The following HOOK3 variants were observed in gnomAD, a reference collection of about 807,000 sequenced individuals.
HOOK3 encodes protein Hook homolog 3.
Under a neutral mutation model 116.3 loss-of-function variants are expected in HOOK3, and 24 were observed. The observed-to-expected ratio is 0.21, with a 90% CI of 0.15 to 0.29. The LOEUF (loss-of-function observed/expected upper bound fraction) is 0.29, where lower values mean the gene tolerates loss of function less well. HOOK3 is among the 10% of genes least tolerant of loss of function. The pLI is 1.00. For synonymous variants in HOOK3, 275 were observed against 283.0 expected (o/e 0.97, Z 0.28); for missense variants, 632 against 830.2 (o/e 0.76, Z 2.93).
chr8:42,964,524 A>C, intron 9 of HOOK3, 50 bp downstream of exon 9: 3 of 1,567,696 alleles, frequency 1.9e-6, no homozygotes, highest in Non-Finnish European at 2.6e-6. Flanking sequence ...GTTAGCTGTC[A>C]TTTAAAGTTA....
intron 16 of HOOK3, among the ~76,000 whole-genome samples, chr8:42,999,487 G>A (rs1447782577): frequency 6.6e-6 from 1 of 152,160 alleles, no homozygotes; most frequent in African/African-American, 2.4e-5. Flanking sequence ...TCTTGCCCCA[G>A]CAAATATTTT....
intron 5 of HOOK3, among the ~76,000 whole-genome samples, chr8:42,948,541 T>A (rs1233116564): frequency 6.6e-6 from 1 of 152,132 alleles, no homozygotes; most frequent in African/African-American, 2.4e-5. Context: ...ACCCCTCGAG[T>A]CCACTGTTAT....
At chr8:43,015,569 G>A (rs117654658) in intron 21 of HOOK3, among the ~76,000 whole-genome samples, 2,492 of 152,162 alleles carry the variant, frequency 0.016, 32 homozygotes, top group Non-Finnish European at 0.022. Flanking sequence ...TAAAATTCAA[G>A]AAATAGAAAA....
intron 15 of HOOK3, 100 bp downstream of exon 15, chr8:42,986,895 G>C: frequency 7.8e-7 from 1 of 1,276,926 alleles, no homozygotes; most frequent in Non-Finnish European, 1.1e-6. Context: ...GGTGGCTCAC[G>C]CCTGTAATCC....
rs761863978 is a variant in HOOK3 at position 42,950,374 on chromosome 8, G to C, written c.401-14G>C. On this transcript the variant is annotated splice_polypyrimidine_tract_variant and intron_variant, in intron 5 of 21. Transcript: ENST00000307602. ...AACTTGAACAGTGACATTCTAGATTGTTCTTGTTTTCAGAGTACATCCAAG... is the reference window on the plus strand; with the variant it reads ...AACTTGAACAGTGACATTCTAGATTCTTCTTGTTTTCAGAGTACATCCAAG... 1.3e-6 allele frequency: 2 copies of C among 1,569,012 alleles called. No individual in the cohort carries two copies. The highest frequency in any genetic ancestry group is 2.2e-5 in the East Asian group (1 of 44,520).
At chr8:42,976,553 A>C (rs1043180631) in intron 13 of HOOK3, among the ~76,000 whole-genome samples, 1 of 152,072 alleles carries the variant, frequency 6.6e-6, no homozygotes, top group South Asian at 2.1e-4. Flanking sequence ...GACAGAAACA[A>C]AGACTTAATT....
At chr8:42,898,402 G>A (rs1373124713) in intron 1 of HOOK3, among the ~76,000 whole-genome samples, 1 of 152,136 alleles carries the variant, frequency 6.6e-6, no homozygotes, top group Admixed American at 6.5e-5. Context: ...TCTCCCTCCA[G>A]GCAAGGAGAT....
chr8:42,949,575 C>T (rs539719930), intron 5 of HOOK3: 1 of 152,286 alleles, frequency 6.6e-6, no homozygotes, highest in East Asian at 1.9e-4. Flanking sequence ...CATCTCAATT[C>T]TTTGTCCTAA....
At chr8:42,987,833 C>CT (rs998688300) in intron 15 of HOOK3, among the ~76,000 whole-genome samples, 1 of 150,150 alleles carries the variant, frequency 6.7e-6, no homozygotes. Context: ...GTTTTTTTTT[C>CT]TTTTTTTGTT....
intron 1 of HOOK3, among the ~76,000 whole-genome samples, chr8:42,903,116 A>G (rs1807222861): frequency 6.6e-6 from 1 of 152,110 alleles, no homozygotes; most frequent in African/African-American, 2.4e-5. Flanking sequence ...TCATGTATTC[A>G]TTTACTAATC....
At position 43,008,667 on chromosome 8, in the gene HOOK3, T is replaced by A. The variant is rs190865209; in HGVS notation, c.1738+738T>A. On this transcript the variant is annotated intron_variant, in intron 18 of 21. Transcript: ENST00000307602. ...TTTATTTTTATTTTTATTTTTATTT[T>A]TTTTTTTTTTGAGACGGAGTCTCGC... Among the ~76,000 whole-genome samples the A allele has an allele frequency of 1.4e-3, 205 of 146,314 alleles. 1 individual carries two copies. The highest frequency in any genetic ancestry group is 3.7e-3 in the South Asian group (17 of 4,640).
chr8:42,951,612 G>A (rs976588437), intron 6 of HOOK3, among the ~76,000 whole-genome samples: 3 of 152,148 alleles, frequency 2.0e-5, no homozygotes, highest in South Asian at 2.1e-4. Context: ...ATAGAAAAGC[G>A]TATGCAGGAC....
intron 13 of HOOK3, among the ~76,000 whole-genome samples, chr8:42,975,307 C>T (rs1276743529): frequency 6.6e-6 from 1 of 152,228 alleles, no homozygotes; most frequent in Non-Finnish European, 1.5e-5. Context: ...CTTCATTTCT[C>T]AGTCAGCATT....
chr8:42,901,289 T>C (rs1375633435), intron 1 of HOOK3, among the ~76,000 whole-genome samples: 1 of 152,236 alleles, frequency 6.6e-6, no homozygotes, highest in Non-Finnish European at 1.5e-5. Context: ...AGGTAGAGTT[T>C]CATGCCTTAA....
chr8:42,902,485 T>G (rs979573002), intron 1 of HOOK3, among the ~76,000 whole-genome samples: 1 of 152,074 alleles, frequency 6.6e-6, no homozygotes, highest in Non-Finnish European at 1.5e-5. Flanking sequence ...TTTTTCAGCA[T>G]GGTCTCGAAT....
intron 2 of HOOK3, among the ~76,000 whole-genome samples, chr8:42,908,337 A>G (rs779081445): frequency 4.6e-5 from 7 of 152,118 alleles, no homozygotes; most frequent in Admixed American, 2.0e-4. Context: ...TGAAATGACA[A>G]AAGACCCCAA....
At chr8:42,939,269 G>T (rs1808042446) in intron 4 of HOOK3, among the ~76,000 whole-genome samples, 1 of 152,268 alleles carries the variant, frequency 6.6e-6, no homozygotes, top group African/African-American at 2.4e-5. Context: ...GGGAAGAGGG[G>T]CTCCTCACTT....
chr8:43,008,086 T>C (rs535993761), intron 18 of HOOK3, among the ~76,000 whole-genome samples, 157 bp downstream of exon 18: 1 of 152,256 alleles, frequency 6.6e-6, no homozygotes, highest in South Asian at 2.1e-4. Context: ...TGGTGCGATT[T>C]TGGCTCACTG....
intron 16 of HOOK3, chr8:43,000,253 G>T (rs1586628635): frequency 7.8e-7 from 1 of 1,284,032 alleles, no homozygotes; most frequent in East Asian, 5.6e-5. Context: ...CTGTCTCTTG[G>T]CATGGTTTCT....
Sources: gnomAD v4.1 joint callset for allele counts (sites outside exome capture counted in the v4.1 genomes callset) on GRCh38, gnomAD v4.1.1 for gene constraint, MANE v1.5 for transcripts, NCBI Gene and HGNC (gene_info 2026-07-23, HGNC 2026-07-21) for gene names.